The following AHRR variants were observed in gnomAD, a reference collection of about 807,000 sequenced individuals.
AHRR encodes the protein ahR repressor.
AHRR carries 28 observed loss-of-function variants against 44.0 expected under a neutral mutation model. The ratio of observed to expected loss-of-function variants is 0.64; its 90% CI spans 0.47 to 0.87. The LOEUF (loss-of-function observed/expected upper bound fraction) is 0.87. AHRR is among the 40% of genes least tolerant of loss of function. The pLI, the probability that AHRR is intolerant of heterozygous loss-of-function variation, is 0.00. For synonymous variants in AHRR, 434 were observed against 407.0 expected (o/e 1.07, Z -0.80); for missense variants, 990 against 953.9 (o/e 1.04, Z -0.50).
At chr5:425,032 C>A (rs1362622670) in intron 7 of AHRR, among the ~76,000 whole-genome samples, 4 of 152,244 alleles carry the variant, frequency 2.6e-5, no homozygotes, top group African/African-American at 9.6e-5. Context: ...TGCCACAAGG[C>A]CCTCAGACCC....
rs575958526 is a variant in AHRR, at chr5:342,109, A to G, written c.-10-1784A>G. On this transcript the variant is annotated intron_variant, in intron 1 of 10. Coordinates refer to ENST00000684583, the MANE Select transcript of AHRR (RefSeq NM_001377236.1). This position sits in a 1 kb window ranked among gnomAD's most constrained non-coding sequence, Gnocchi z 4.3. ...TAAGGATAGTTTTAAGTCCCAGAAT[A>G]TGGTCTGTCTTGGCGAATGTTACAT... is the stretch of plus-strand genomic sequence containing the variant. 1.3e-5 allele frequency among the ~76,000 whole-genome samples: 2 copies of G among 152,318 alleles called. No individual in the cohort carries two copies. The highest frequency in any genetic ancestry group is 3.9e-4 in the East Asian group (2 of 5,186).
intron 4 of AHRR, among the ~76,000 whole-genome samples, chr5:378,423 T>A (rs1733837467): frequency 6.6e-6 from 1 of 152,216 alleles, no homozygotes; most frequent in African/African-American, 2.4e-5. Flanking sequence ...TCTGTTTATT[T>A]ATTTATTTAA....
Position 419,975 on chromosome 5 carries a change from C to T in AHRR, c.442-2754C>T, listed in dbSNP as rs867851155. Among the ~76,000 whole-genome samples the T allele has an allele frequency of 2.4e-4, 37 of 152,170 alleles. No homozygotes were observed. Among genetic ancestry groups the T allele is most frequent in the African/African-American group, 8.7e-4 (36 of 41,426 alleles). On this transcript the variant is annotated intron_variant, in intron 5 of 10. Transcript: ENST00000684583. This position sits in a 1 kb window ranked among gnomAD's most constrained non-coding sequence, Gnocchi z 4.4. ...GTTCCTTGTGGATCCCCTTTTCTGG[C>T]CATCGGGATGTGGATGTGCATTTGT...
Position 434,680 on chromosome 5 carries a change from G to C in AHRR, c.1940G>C (p.Arg647Thr). Residue 647 changes from arginine to threonine, a missense_variant, in exon 11 of 11, where the codon AGA (arginine) becomes ACA (threonine). By Grantham distance (71) the Arg-to-Thr change is moderately conservative (BLOSUM62 -1). Coordinates refer to ENST00000684583, the MANE Select transcript of AHRR (RefSeq NM_001377236.1). The stretch of plus-strand genomic sequence containing the variant: ...CGAGGTGAACAGTCCTGCACCTGCA[G>C]AGCTGCTGAGGCCGCCCCTGTGGTC... ...RGRGEQSCTC[R>T]AAEAAPVVKR... is the part of the protein sequence containing the mutation. The C allele has an allele frequency of 1.9e-6, 3 of 1,569,798 alleles. No individual in the cohort carries two copies. The highest frequency in any genetic ancestry group is 1.7e-6 in the Non-Finnish European group (2 of 1,157,276).
In AHRR at chr5:337,603, T is replaced by A. The variant is rs972031469; in HGVS notation, c.-10-6290T>A. 3.9e-5 allele frequency among the ~76,000 whole-genome samples: 6 copies of A among 152,360 alleles called. No individual in the cohort carries two copies. The highest frequency in any genetic ancestry group is 7.2e-5 in the African/African-American group (3 of 41,584). ...CTCACTGTGTTGGCGTTTTATATTT[T>A]AAATTTTTTTTTATTTGAATTGAGA... On this transcript the variant is annotated intron_variant, in intron 1 of 10. Transcript: ENST00000684583. This position sits in a 1 kb window ranked among gnomAD's most constrained non-coding sequence, Gnocchi z 4.1.
Position 404,431 on chromosome 5 carries a change from CAG to C in AHRR, c.352-8912_352-8911del. The C allele has an allele frequency of 1.9e-6, 1 of 537,850 alleles. No individual in the cohort carries two copies. The highest frequency in any genetic ancestry group is 1.4e-5 in the South Asian group (1 of 71,930). 33.3% of individuals were successfully genotyped at this position (537,850 alleles called of 1,614,324 possible). A position where few individuals can be genotyped will look rare whatever the true frequency, so the allele number is the denominator to read the frequency against. The stretch of plus-strand genomic sequence containing the variant: ...AAGGAGAGTCTTGGGGCAGAAGCAA[CAG>C]GGGACCACTGTGCTGGTGCTGTCGT... On this transcript the variant is annotated intron_variant, in intron 4 of 10. Transcript: ENST00000684583. This position sits in a 1 kb window ranked among gnomAD's most constrained non-coding sequence, Gnocchi z 4.1.
At chr5:415,730 G>GCCGAATCT (rs1560916547) in intron 5 of AHRR, among the ~76,000 whole-genome samples, 2 of 152,216 alleles carry the variant, frequency 1.3e-5, no homozygotes, top group Non-Finnish European at 2.9e-5. Flanking sequence ...AGGCCTAGGG[G>GCCGAATCT]CTGTGCAGAG....
rs561162863 is a variant in AHRR at position 387,267 on chromosome 5, T to C, written c.351+10551T>C. Among the ~76,000 whole-genome samples, 45 of 152,368 alleles carry C rather than the reference T, an allele frequency of 3.0e-4. No individual in the cohort carries two copies. The highest frequency in any genetic ancestry group is 1.0e-3 in the African/African-American group (43 of 41,598). On this transcript the variant is annotated intron_variant, in intron 4 of 10. Coordinates refer to ENST00000684583, the MANE Select transcript of AHRR (RefSeq NM_001377236.1). This position sits in a 1 kb window ranked among gnomAD's most constrained non-coding sequence, Gnocchi z 5.1. ...CCTCTGCTTACGTCCCCCACCCTGC[T>C]GCCTCCTGGGGATGACTCCTGGTCT... is the stretch of plus-strand genomic sequence containing the variant.
At chr5:403,824 C>A in intron 4 of AHRR, 1 of 1,535,976 alleles carries the variant, frequency 6.5e-7, no homozygotes, top group South Asian at 1.1e-5. Flanking sequence ...GATATGCCTT[C>A]TCTTCCTTTT....
chr5:326,172 G>A lies in AHRR; in HGVS notation c.-11+4353G>A, dbSNP rs747505423. Reference sequence around the variant, plus strand: ...GTTCAGGGGCATTTAGTACATTGACGAAGTTGTGCAGCCACTGCCTCTCTC... The same window carrying A: ...GTTCAGGGGCATTTAGTACATTGACAAAGTTGTGCAGCCACTGCCTCTCTC... On this transcript the variant is annotated intron_variant, in intron 1 of 10. Coordinates refer to ENST00000684583, the MANE Select transcript of AHRR (RefSeq NM_001377236.1). The surrounding 1 kb of genome is among the most constrained non-coding windows in gnomAD (Gnocchi z 4.1). Among the ~76,000 whole-genome samples the A allele has an allele frequency of 1.3e-5, 2 of 152,168 alleles. No homozygotes were observed. The highest frequency in any genetic ancestry group is 2.9e-5 in the Non-Finnish European group (2 of 68,028).
In AHRR at chr5:432,827, GC is replaced by G; in HGVS notation, c.993del (p.Val332PhefsTer50). The stretch of plus-strand genomic sequence containing the variant: ...ACAGGAAGGAGCAGCAGAGAGAGCG[GC>G]GTTTTGGTGCTCAGGGAACAGACTG... ...YSAGRSSRES[G>X]VLVLREQTDA... On this transcript the variant is annotated frameshift_variant, in exon 10 of 11. Transcript: ENST00000684583. The G allele has an allele frequency of 6.2e-7, 1 of 1,613,878 alleles. No individual in the cohort carries two copies.
intron 8 of AHRR, 23 bp from the exon 9 acceptor site, chr5:432,440 A>G (rs757892401): frequency 1.8e-5 from 29 of 1,612,074 alleles, no homozygotes; most frequent in Non-Finnish European, 2.5e-5. Context: ...CACATGTCAC[A>G]TGTTCATCTG....
Position 427,530 on chromosome 5 carries a change from G to GCACA in AHRR, c.709-273_709-270dup. 6 of 1,350,976 alleles carry GCACA rather than the reference G, an allele frequency of 4.4e-6. No individual in the cohort carries two copies. In the South Asian group the frequency reaches 6.1e-5, roughly 14 times the overall value. The allele number at this position is 1,350,976 out of a possible 1,614,324, so 83.7% of individuals were successfully genotyped here. A position where few individuals can be genotyped will look rare whatever the true frequency, so the allele number is the denominator to read the frequency against. ...CGCATGGGGTGGCACACATGAACAG[G>GCACA]CACACACGCGGGAATGAACCTGTCA... is the stretch of plus-strand genomic sequence containing the variant. On this transcript the variant is annotated intron_variant, in intron 7 of 10. Coordinates refer to ENST00000684583, the MANE Select transcript of AHRR (RefSeq NM_001377236.1).
intron 4 of AHRR, among the ~76,000 whole-genome samples, chr5:390,675 G>C (rs1449975616): frequency 1.3e-5 from 2 of 152,148 alleles, no homozygotes; most frequent in African/African-American, 4.8e-5. Context: ...GGTTGAGCTG[G>C]CTTCCCAGAG....
At chr5:392,589 G>A (rs555117749) in intron 4 of AHRR, among the ~76,000 whole-genome samples, 17 of 152,304 alleles carry the variant, frequency 1.1e-4, no homozygotes, top group African/African-American at 3.1e-4. Flanking sequence ...TTATGTAAGC[G>A]TGTGACTTAG....
In AHRR at chr5:434,739, A is replaced by T; in HGVS notation, c.1999A>T (p.Thr667Ser). The change falls in exon 11 of 11, where the codon ACT becomes TCT. Residue 667 changes from threonine (T) to serine (S), a missense_variant. Physicochemically the swap from Thr to Ser is moderately conservative, Grantham distance 58 (BLOSUM62 1). Coordinates refer to ENST00000684583, the MANE Select transcript of AHRR (RefSeq NM_001377236.1). The part of the protein sequence containing the change: ...REPLDSPQWA[T>S]HSQGMVPGML... Reference sequence around the variant, plus strand: ...GCCCTTGGACTCACCCCAGTGGGCTACTCACAGCCAGGGAATGGTGCCCGG... The same window carrying T: ...GCCCTTGGACTCACCCCAGTGGGCTTCTCACAGCCAGGGAATGGTGCCCGG... 6.4e-7 allele frequency: 1 copy of T among 1,569,348 alleles called. No individual in the cohort carries two copies. The highest frequency in any genetic ancestry group is 8.6e-7 in the Non-Finnish European group (1 of 1,156,976).
intron 2 of AHRR, among the ~76,000 whole-genome samples, chr5:351,085 TCAAAAA>T (rs1401597558): frequency 1.3e-5 from 2 of 151,954 alleles, no homozygotes; most frequent in African/African-American, 4.8e-5. Context: ...ATGGCTGTAA[TCAAAAA>T]AACAGAAAAT....
At chr5:349,758 T>C (rs1262340173) in intron 2 of AHRR, among the ~76,000 whole-genome samples, 1 of 152,230 alleles carries the variant, frequency 6.6e-6, no homozygotes, top group Non-Finnish European at 1.5e-5. Context: ...CACCTTGAAG[T>C]CTATACTCCT....
At chr5:362,536 A>T (rs2126411028) in intron 3 of AHRR, among the ~76,000 whole-genome samples, 1 of 152,226 alleles carries the variant, frequency 6.6e-6, no homozygotes, top group Admixed American at 6.5e-5. Flanking sequence ...CCCCTTGGGG[A>T]GCATTTCCTG....
Sources: allele counts gnomAD v4.1 joint callset (sites outside exome capture counted in the v4.1 genomes callset), GRCh38; gene constraint gnomAD v4.1.1; non-coding constraint Gnocchi (gnomAD v3.1); transcripts MANE v1.5; gene names NCBI Gene and HGNC (gene_info 2026-07-23, HGNC 2026-07-21).